The following LTBP2 variants were observed in gnomAD, a reference collection of about 807,000 sequenced individuals.
LTBP2 encodes latent transforming growth factor beta binding protein 2.
Under a neutral mutation model 210.6 loss-of-function variants are expected in LTBP2, and 103 were observed. The ratio of observed to expected loss-of-function variants is 0.49; its 90% CI spans 0.42 to 0.58. The LOEUF (loss-of-function observed/expected upper bound fraction) is 0.58, where lower values mean the gene tolerates loss of function less well. Among genes scored for constraint, LTBP2 ranks in the 20% least tolerant of loss-of-function variants. The pLI is 0.00. For missense variants in LTBP2, 2,313 were observed against 2,494.5 expected, an observed-to-expected ratio of 0.93 and a Z score of 1.55; for synonymous variants, 1,007 against 1,015.0, an observed-to-expected ratio of 0.99 and a Z score of 0.15.
At chr14:74,526,476 C>G (rs886938777) in intron 13 of LTBP2, among the ~76,000 whole-genome samples, 1 of 152,218 alleles carries the variant, frequency 6.6e-6, no homozygotes, top group Non-Finnish European at 1.5e-5. Context: ...ACTAGAGTGC[C>G]TGGAGCCACA....
chr14:74,511,315 G>T lies in LTBP2; in HGVS notation c.2958C>A (p.Val986=). ...GACAAGTGTAGGAGCCAGGGGAATT[G>T]ACGCATCTCCCATCAGGGCAGGTAC... ...HPGTCPDGRC[V]NSPGSYTCLA... The change falls in exon 19 of 36, where the codon GTC becomes GTA. Residue 986 remains valine (V), a synonymous_variant. Coordinates refer to ENST00000261978, the MANE Select transcript of LTBP2 (RefSeq NM_000428.3). The T allele has an allele frequency of 6.2e-7, 1 of 1,614,120 alleles. No homozygotes were observed. The highest frequency in any genetic ancestry group is 1.1e-5 in the South Asian group (1 of 91,078).
rs561805874 is a variant in LTBP2 at position 74,510,192 on chromosome 14, G to A, written c.3050C>T (p.Pro1017Leu). The change falls in exon 20 of 36, where the codon CCC becomes CTC. Residue 1017 changes from proline (P) to leucine (L), a missense_variant. Physicochemically the swap from Pro to Leu is moderately conservative, Grantham distance 98. Transcript: ENST00000261978. ...GCACTTTCCATGGGCACAGACCCCGGGAGTCAGACACTCATTCACATCTGT... is the reference window on the plus strand; with the variant it reads ...GCACTTTCCATGGGCACAGACCCCGAGAGTCAGACACTCATTCACATCTGT... Reference protein sequence around the residue: ...SCVDVNECLTPGVCAHGKCTN... With the variant: ...SCVDVNECLTLGVCAHGKCTN... 6.2e-7 allele frequency: 1 copy of A among 1,613,900 alleles called. No individual in the cohort carries two copies. The highest frequency in any genetic ancestry group is 8.5e-7 in the Non-Finnish European group (1 of 1,180,026).
chr14:74,581,251 T>A (rs2088132931), intron 3 of LTBP2, among the ~76,000 whole-genome samples: 1 of 152,220 alleles, frequency 6.6e-6, no homozygotes, highest in South Asian at 2.1e-4. Context: ...TTGGCCCCCA[T>A]GATCTCTGTT....
chr14:74,549,764 GC>G, intron 8 of LTBP2, 98 bp downstream of exon 8: 2 of 989,550 alleles, frequency 2.0e-6, no homozygotes, highest in Non-Finnish European at 3.3e-6. Flanking sequence ...TGTTCTACCT[GC>G]CTGGCCTCTG....
At chr14:74,583,259 C>A (rs2088161656) in intron 3 of LTBP2, among the ~76,000 whole-genome samples, 1 of 152,204 alleles carries the variant, frequency 6.6e-6, no homozygotes, top group Admixed American at 6.5e-5. Context: ...AGAATGCCCC[C>A]TGTGTCATGT....
At position 74,509,354 on chromosome 14, in the gene LTBP2, T is replaced by C; in HGVS notation, c.3287A>G (p.Glu1096Gly). 6.2e-7 allele frequency: 1 copy of C among 1,613,276 alleles called. No individual in the cohort carries two copies. The highest frequency in any genetic ancestry group is 8.5e-7 in the Non-Finnish European group (1 of 1,179,938). The change falls in exon 22 of 36, where the codon GAG becomes GGG. Residue 1096 changes from glutamate to glycine, a missense_variant. Around this residue, in one of 3 missense-constraint regions of LTBP2, gnomAD observed 1,867 missense variants for 1,976.9 expected, o/e 0.94. Transcript: ENST00000261978. ...EDGTACEDLD[E>G]CAFPGVCPSG... ...GGGGCAGACTCCCGGGAAGGCACACTCATCTAGGTCTGCAGACAGACAGCG... is the reference window on the plus strand; with the variant it reads ...GGGGCAGACTCCCGGGAAGGCACACCCATCTAGGTCTGCAGACAGACAGCG...
intron 15 of LTBP2, among the ~76,000 whole-genome samples, chr14:74,524,529 T>C (rs1208298502): frequency 2.6e-5 from 4 of 152,120 alleles, no homozygotes; most frequent in Non-Finnish European, 4.4e-5. Context: ...TTGCTTCTCC[T>C]GCACCAAGTC....
In LTBP2 at chr14:74,552,328, C is replaced by G; in HGVS notation, c.1258G>C (p.Ala420Pro). 1 of 1,612,420 alleles carries G rather than the reference C, an allele frequency of 6.2e-7. No individual in the cohort carries two copies. Among genetic ancestry groups the G allele is most frequent in the Non-Finnish European group, 8.5e-7 (1 of 1,179,976 alleles). ...CIGRDECWCP[A>P]NSTGKFCHLP... Reference sequence around the variant, plus strand: ...TGGCAGAACTTCCCGGTGGAGTTGGCGGGGCACCAGCATTCGTCCCTGCCG... The same window carrying G: ...TGGCAGAACTTCCCGGTGGAGTTGGGGGGGCACCAGCATTCGTCCCTGCCG... Residue 420 changes from alanine to proline, a missense_variant, in exon 6 of 36, where the codon GCC (alanine) becomes CCC (proline). Ala to Pro is a conservative substitution (Grantham distance 27). Around this residue, in one of 3 missense-constraint regions of LTBP2, gnomAD observed 1,867 missense variants for 1,976.9 expected, o/e 0.94. Coordinates refer to ENST00000261978, the MANE Select transcript of LTBP2 (RefSeq NM_000428.3).
chr14:74,610,291 C>A (rs1340927254), intron 1 of LTBP2, among the ~76,000 whole-genome samples: 1 of 152,114 alleles, frequency 6.6e-6, no homozygotes, highest in African/African-American at 2.4e-5. Flanking sequence ...CACGGGTGGC[C>A]AAAAGTCACT....
At chr14:74,533,708 T>G (rs1327847884) in intron 9 of LTBP2, among the ~76,000 whole-genome samples, 1 of 152,200 alleles carries the variant, frequency 6.6e-6, no homozygotes, top group Non-Finnish European at 1.5e-5. Flanking sequence ...TGGAGGCTCA[T>G]GCTGTTCTTC....
intron 8 of LTBP2, 67 bp downstream of exon 8, chr14:74,549,796 T>C (rs977094114): frequency 2.0e-5 from 27 of 1,348,484 alleles, no homozygotes; most frequent in Non-Finnish European, 2.9e-5. Flanking sequence ...GGGGAAACCC[T>C]GGCAGGAGAG....
chr14:74,590,449 C>A (rs2088266638), intron 2 of LTBP2, among the ~76,000 whole-genome samples: 1 of 152,022 alleles, frequency 6.6e-6, no homozygotes, highest in Non-Finnish European at 1.5e-5. Flanking sequence ...ACTAAAAATA[C>A]AAAAAATTAA....
At chr14:74,593,962 C>A (rs796988754) in intron 2 of LTBP2, among the ~76,000 whole-genome samples, 2 of 152,140 alleles carry the variant, frequency 1.3e-5, no homozygotes, top group African/African-American at 4.8e-5. Context: ...TGGTACCTGG[C>A]GCACAGTAAG....
chr14:74,537,336 A>G (rs1180097985), intron 8 of LTBP2, among the ~76,000 whole-genome samples: 1 of 152,232 alleles, frequency 6.6e-6, no homozygotes, highest in Non-Finnish European at 1.5e-5. Context: ...TTGTGGAACA[A>G]AAAGAGAACT....
At chr14:74,520,801 AAATGAATGAATGAATG>A (rs36111387) in intron 17 of LTBP2, among the ~76,000 whole-genome samples, 2 of 149,932 alleles carry the variant, frequency 1.3e-5, no homozygotes, top group Admixed American at 1.3e-4. Context: ...ACTCCATCAT[AAATGAATGAATGAATG>A]AATGAATGAA....
intron 3 of LTBP2, among the ~76,000 whole-genome samples, chr14:74,577,484 G>A (rs1424097126): frequency 1.3e-5 from 2 of 151,890 alleles, no homozygotes; most frequent in African/African-American, 2.4e-5. Context: ...CAGGCTGGCC[G>A]GAATCCTAGA....
intron 2 of LTBP2, among the ~76,000 whole-genome samples, chr14:74,595,683 A>C (rs2088350450): frequency 6.6e-6 from 1 of 152,216 alleles, no homozygotes. Flanking sequence ...GGGCAGGGGC[A>C]TGAAGGACAG....
At chr14:74,558,135 C>A (rs899984604) in intron 3 of LTBP2, among the ~76,000 whole-genome samples, 2 of 152,216 alleles carry the variant, frequency 1.3e-5, no homozygotes, top group African/African-American at 4.8e-5. Flanking sequence ...CACAGTTGTT[C>A]ATGCCTATAA....
chr14:74,526,037 T>C (rs1395774509), intron 14 of LTBP2, 38 bp downstream of exon 14: 1 of 1,580,624 alleles, frequency 6.3e-7, no homozygotes. Flanking sequence ...TTCCCTCCCT[T>C]CTCTTTTGCC....
Sources: gnomAD v4.1 joint callset for allele counts (sites outside exome capture counted in the v4.1 genomes callset) on GRCh38, gnomAD v4.1.1 for gene constraint, gnomAD v4.1.1 regional missense constraint, MANE v1.5 for transcripts, NCBI Gene and HGNC (gene_info 2026-07-23, HGNC 2026-07-21) for gene names.